The following FCN2 variants were observed in gnomAD, a reference collection of about 807,000 sequenced individuals.
The protein encoded by FCN2 is ficolin-2.
FCN2 carries 31 observed loss-of-function variants against 32.5 expected under a neutral mutation model. The observed-to-expected ratio is 0.96, with a 90% confidence interval of 0.72 to 1.29. The LOEUF (loss-of-function observed/expected upper bound fraction) is 1.29, where lower values mean the gene tolerates loss of function less well. Ranked by LOEUF, FCN2 falls within the 50% of genes most tolerant of loss-of-function variation. The pLI is 0.00. For synonymous variants in FCN2, 181 were observed against 164.5 expected, an observed-to-expected ratio of 1.10 and a Z score of -0.77; for missense variants, 412 against 406.5, an observed-to-expected ratio of 1.01 and a Z score of -0.12.
chr9:134,885,127 C>G lies in FCN2; in HGVS notation c.302-112C>G, dbSNP rs1830726004. The G allele has an allele frequency of 6.2e-6, 9 of 1,449,986 alleles. No homozygotes were observed. The East Asian group carries it at 1.4e-4, about 22-fold the overall frequency. The allele number at this position is 1,449,986 out of a possible 1,614,324, so 89.8% of individuals were successfully genotyped here. On this transcript the variant is annotated intron_variant, in intron 4 of 7. Transcript: ENST00000291744. ...CCTGTCCAGGCCTCAGAGTCCCGCT[C>G]TGTTCATACAGACGCCTATGGCCCT...
the FCN2 span, among the ~76,000 whole-genome samples, chr9:134,865,989 G>A: frequency 6.6e-6 from 1 of 151,242 alleles, no homozygotes; most frequent in African/African-American, 2.4e-5. Context: ...AAATAAAAGA[G>A]GATACAAACA....
chr9:134,870,262 C>T, the FCN2 span, among the ~76,000 whole-genome samples: 1 of 152,212 alleles, frequency 6.6e-6, no homozygotes, highest in South Asian at 2.1e-4. This position sits in a 1 kb window ranked among gnomAD's most constrained non-coding sequence, Gnocchi z 4.3. Flanking sequence ...CAGCAGGTCT[C>T]GCAGCCCCAC....
At chr9:134,882,690 G>C (rs763240175) in intron 2 of FCN2, 51 bp downstream of exon 2, 225 of 1,320,600 alleles carry the variant, frequency 1.7e-4, no homozygotes, top group Non-Finnish European at 1.9e-4. Flanking sequence ...TTTGAAACCA[G>C]ATGCTGAGTT....
At chr9:134,876,263 A>G (rs4842184), upstream of FCN2, among the ~76,000 whole-genome samples, 5,278 of 152,226 alleles carry the variant, frequency 0.035, 389 homozygotes, top group East Asian at 0.3. Flanking sequence ...TACTTTTGCT[A>G]TTGGGGAAAT....
At chr9:134,885,400 G>A (rs1348830598) in intron 5 of FCN2, 34 bp downstream of exon 5, 1 of 1,606,702 alleles carries the variant, frequency 6.2e-7, no homozygotes, top group African/African-American at 1.3e-5. Flanking sequence ...CGGTCAGCCT[G>A]GGAGTCCCGG....
upstream of FCN2, among the ~76,000 whole-genome samples, chr9:134,876,939 GT>G (rs1830609045): frequency 6.6e-6 from 1 of 152,232 alleles, no homozygotes; most frequent in Non-Finnish European, 1.5e-5. Context: ...CATTTCCACT[GT>G]TGAATATGTT....
chr9:134,882,382 A>T, intron 1 of FCN2, 144 bp from the exon 2 acceptor site: 1 of 716,370 alleles, frequency 1.4e-6, no homozygotes, highest in Non-Finnish European at 2.5e-6. Flanking sequence ...CCTCCAGCTG[A>T]GGGAGGTGGC....
rs1830767669 is a variant in FCN2, at chr9:134,887,031, A to C, written c.695-137A>C. 3 of 1,010,624 alleles carry C rather than the reference A, an allele frequency of 3.0e-6. No homozygotes were observed. In the South Asian group the frequency reaches 3.9e-5, roughly 13 times the overall value. 62.6% of individuals were successfully genotyped at this position (1,010,624 alleles called of 1,614,324 possible). The stretch of plus-strand genomic sequence containing the variant: ...AGTATTCACTGGAGTCATGGATTGC[A>C]CTTCTTGGATTGTGCAGTGCACAAC... On this transcript the variant is annotated intron_variant, in intron 7 of 7. Transcript: ENST00000291744.
chr9:134,885,653 AC>A, intron 5 of FCN2, 114 bp from the exon 6 acceptor site: 1 of 1,416,804 alleles, frequency 7.1e-7, no homozygotes, highest in South Asian at 1.3e-5. Context: ...CGTGCTGGTG[AC>A]CCCGCCTGTG....
the FCN2 span, among the ~76,000 whole-genome samples, chr9:134,873,725 T>C: frequency 1.3e-5 from 2 of 152,230 alleles, no homozygotes; most frequent in African/African-American, 4.8e-5. Context: ...GATCTGCAGA[T>C]GCAATGCAGT....
upstream of FCN2, among the ~76,000 whole-genome samples, chr9:134,879,366 T>G (rs1174911885): frequency 1.3e-5 from 2 of 152,230 alleles, no homozygotes; most frequent in Admixed American, 1.3e-4. Flanking sequence ...TAGACTTAAT[T>G]TTAAGTCATC....
At chr9:134,875,646 A>C in the FCN2 span, among the ~76,000 whole-genome samples, 1 of 152,218 alleles carries the variant, frequency 6.6e-6, no homozygotes, top group African/African-American at 2.4e-5. Flanking sequence ...GGTAGTCTTT[A>C]GGAATAAAGG....
the FCN2 span, among the ~76,000 whole-genome samples, chr9:134,865,692 C>T: frequency 1.8e-4 from 27 of 152,130 alleles, no homozygotes; most frequent in African/African-American, 4.8e-4. Context: ...GTGAGAGCAC[C>T]GCTCTGGTCC....
chr9:134,869,939 AG>A, the FCN2 span, among the ~76,000 whole-genome samples: 18 of 147,984 alleles, frequency 1.2e-4, no homozygotes, highest in South Asian at 6.6e-4. Flanking sequence ...TGGCTGCAGG[AG>A]GGGGGGGCCC....
At chr9:134,871,025 C>T in the FCN2 span, among the ~76,000 whole-genome samples, 2 of 152,212 alleles carry the variant, frequency 1.3e-5, no homozygotes, top group African/African-American at 2.4e-5. Flanking sequence ...TACAGCCCCT[C>T]AGGTTTTGGT....
chr9:134,882,533 G>A lies in FCN2; in HGVS notation c.108G>A (p.Lys36=), dbSNP rs753522297. Reference sequence around the variant, plus strand: ...ACCTGTGTTTTTCTGCAGAGGTGAAGATGGTGGGCCTGGAGGGCTCTGACA... The same window carrying A: ...ACCTGTGTTTTTCTGCAGAGGTGAAAATGGTGGGCCTGGAGGGCTCTGACA... ...LQAADTCPEV[K]MVGLEGSDKL... The change falls in exon 2 of 8, where the codon AAG becomes AAA. Residue 36 remains lysine (K), a synonymous_variant. Transcript: ENST00000291744. The A allele has an allele frequency of 1.9e-6, 3 of 1,614,114 alleles. No individual in the cohort carries two copies. Among genetic ancestry groups the A allele is most frequent in the Non-Finnish European group, 2.5e-6 (3 of 1,179,992 alleles).
At chr9:134,876,551 A>G (rs1830605120), upstream of FCN2, among the ~76,000 whole-genome samples, 1 of 152,076 alleles carries the variant, frequency 6.6e-6, no homozygotes. Flanking sequence ...GCTTAACTAC[A>G]ATTTCAATTT....
At chr9:134,883,778 G>A (rs1271505311) in intron 3 of FCN2, among the ~76,000 whole-genome samples, 1 of 147,010 alleles carries the variant, frequency 6.8e-6, no homozygotes, top group African/African-American at 2.5e-5. Context: ...CTGTCAATAT[G>A]GGGGAGAGAT....
intron 6 of FCN2, 53 bp from the exon 7 acceptor site, chr9:134,886,377 T>G: frequency 6.2e-7 from 1 of 1,609,500 alleles, no homozygotes; most frequent in Non-Finnish European, 8.5e-7. Context: ...CCAGCTCCCA[T>G]GTCTAAAGGT....
Sources: allele counts gnomAD v4.1 joint callset (sites outside exome capture counted in the v4.1 genomes callset), GRCh38; gene constraint gnomAD v4.1.1; non-coding constraint Gnocchi (gnomAD v3.1); transcripts MANE v1.5; gene names NCBI Gene and HGNC (gene_info 2026-07-23, HGNC 2026-07-21).